Variants in TBC1D22A observed in about 807,000 individuals in gnomAD.
TBC1D22A encodes the protein putative GTPase activator.
TBC1D22A carries 38 observed loss-of-function variants against 60.2 expected under a neutral mutation model. The ratio of observed to expected loss-of-function variants is 0.63; its 90% CI spans 0.49 to 0.83. The LOEUF (loss-of-function observed/expected upper bound fraction) is 0.83. TBC1D22A is among the 40% of genes least tolerant of loss of function. The pLI is 0.00. For missense variants in TBC1D22A, 628 were observed against 701.0 expected, an observed-to-expected ratio of 0.90 and a Z score of 1.18; for synonymous variants, 302 against 281.7, an observed-to-expected ratio of 1.07 and a Z score of -0.72.
chr22:46,903,744 C>CG (rs975852228), intron 7 of TBC1D22A, among the ~76,000 whole-genome samples: 2 of 152,116 alleles, frequency 1.3e-5, no homozygotes, highest in Non-Finnish European at 2.9e-5. Flanking sequence ...CCCCAGTGGA[C>CG]GGGGGTGGAA....
At chr22:47,138,007 G>A (rs148509682) in intron 12 of TBC1D22A, among the ~76,000 whole-genome samples, 105 of 152,256 alleles carry the variant, frequency 6.9e-4, no homozygotes, top group African/African-American at 2.3e-3. Context: ...TGCAAATGCC[G>A]GAGAAACACA....
chr22:47,148,242 C>T lies in TBC1D22A; in HGVS notation c.1426-25256C>T, dbSNP rs149899226. Among the ~76,000 whole-genome samples the T allele has an allele frequency of 1.8e-4, 27 of 151,770 alleles. No individual in the cohort carries two copies. The East Asian group carries it at 3.7e-3, about 21-fold the overall frequency. On this transcript the variant is annotated intron_variant, in intron 12 of 12. Coordinates refer to ENST00000337137, the MANE Select transcript of TBC1D22A (RefSeq NM_014346.5). Reference sequence around the variant, plus strand: ...AGGTGTGCTCCTGCCATAGTGACAACGTCTGGGGAAAACCTGTCACAGAGA... The same window carrying T: ...AGGTGTGCTCCTGCCATAGTGACAATGTCTGGGGAAAACCTGTCACAGAGA...
At chr22:47,061,034 A>G (rs1304511904) in intron 11 of TBC1D22A, among the ~76,000 whole-genome samples, 1 of 152,070 alleles carries the variant, frequency 6.6e-6, no homozygotes, top group African/African-American at 2.4e-5. Flanking sequence ...CCTCCTGGAA[A>G]GGTTGAGCCA....
intron 8 of TBC1D22A, among the ~76,000 whole-genome samples, chr22:46,937,459 A>G (rs1249073000): frequency 1.3e-5 from 2 of 152,224 alleles, no homozygotes; most frequent in East Asian, 1.9e-4. Flanking sequence ...GTGTCAACAA[A>G]CCTACTGCAC....
chr22:47,070,157 C>G lies in TBC1D22A; in HGVS notation c.1329+32959C>G, dbSNP rs1161453463. 2.1e-5 allele frequency among the ~76,000 whole-genome samples: 3 copies of G among 145,048 alleles called. No homozygotes were observed. The East Asian group carries it at 6.0e-4, about 29-fold the overall frequency. ...TCCCTGTTGTTTGGTTGGAGCAGGG[C>G]TGACCTGACGGTCCTGGCTGTTCCC... On this transcript the variant is annotated intron_variant, in intron 11 of 12. Transcript: ENST00000337137.
Position 46,878,700 on chromosome 22 carries a change from C to T in TBC1D22A, c.685C>T (p.Pro229Ser). 2 of 1,613,186 alleles carry T rather than the reference C, an allele frequency of 1.2e-6. No homozygotes were observed. Among genetic ancestry groups the T allele is most frequent in the African/African-American group, 1.3e-5 (1 of 75,032 alleles). Residue 229 changes from proline to serine, a missense_variant, in exon 5 of 13, where the codon CCA (proline) becomes TCA (serine). Transcript: ENST00000337137. ...GTCCGGAATCCCTAAGCCAGTGCGT[C>T]CAATGACGTGGAAGCTCCTCTCAGT... Reference protein sequence around the residue: ...SWSGIPKPVRPMTWKLLSGYL... With the variant: ...SWSGIPKPVRSMTWKLLSGYL...
chr22:46,951,661 G>A (rs963851247), intron 8 of TBC1D22A, among the ~76,000 whole-genome samples: 5 of 152,238 alleles, frequency 3.3e-5, no homozygotes, highest in Non-Finnish European at 7.3e-5. Context: ...CAGTTACAGC[G>A]AGGTGTAAAG....
chr22:46,912,477 C>T (rs746534511), intron 8 of TBC1D22A, among the ~76,000 whole-genome samples: 1 of 152,128 alleles, frequency 6.6e-6, no homozygotes, highest in Middle Eastern at 3.2e-3. Context: ...TAAAGGCCAT[C>T]ACAGTAATGG....
intron 4 of TBC1D22A, among the ~76,000 whole-genome samples, chr22:46,798,015 G>T (rs1253235896): frequency 6.6e-6 from 1 of 152,076 alleles, no homozygotes; most frequent in Non-Finnish European, 1.5e-5. Flanking sequence ...GGGACTACAG[G>T]ATTGTGCCAC....
At chr22:46,827,867 G>A (rs1305829647) in intron 4 of TBC1D22A, among the ~76,000 whole-genome samples, 1 of 152,202 alleles carries the variant, frequency 6.6e-6, no homozygotes, top group Non-Finnish European at 1.5e-5. Context: ...GGGACTGTCT[G>A]TCTCAACCAC....
intron 9 of TBC1D22A, among the ~76,000 whole-genome samples, chr22:46,976,821 T>C (rs1389888130): frequency 6.6e-6 from 1 of 152,182 alleles, no homozygotes; most frequent in African/African-American, 2.4e-5. Flanking sequence ...GTTCATCGGC[T>C]CTGTGGCAGC....
chr22:46,907,902 T>C (rs1170952414), intron 7 of TBC1D22A, among the ~76,000 whole-genome samples: 3 of 151,918 alleles, frequency 2.0e-5, no homozygotes, highest in Admixed American at 2.0e-4. Flanking sequence ...CGTGGGAAGT[T>C]TGGGAGACGG....
intron 4 of TBC1D22A, among the ~76,000 whole-genome samples, chr22:46,849,800 G>A (rs2087187289): frequency 6.6e-6 from 1 of 152,194 alleles, no homozygotes; most frequent in Non-Finnish European, 1.5e-5. Context: ...ACTGTCGCCT[G>A]GTCCCGTAGT....
intron 9 of TBC1D22A, among the ~76,000 whole-genome samples, chr22:46,988,926 A>G (rs558435862): frequency 2.7e-4 from 41 of 152,362 alleles, no homozygotes; most frequent in African/African-American, 8.9e-4. Flanking sequence ...AGGCTGTTTC[A>G]TCTACATGGA....
At chr22:46,937,278 T>TG (rs2071710149) in intron 8 of TBC1D22A, among the ~76,000 whole-genome samples, 1 of 152,216 alleles carries the variant, frequency 6.6e-6, no homozygotes, top group Non-Finnish European at 1.5e-5. Context: ...ACCGCATCTG[T>TG]GGGGAATCCA....
At position 46,830,532 on chromosome 22, in the gene TBC1D22A, A is replaced by G. The variant is rs561721388; in HGVS notation, c.637+32912A>G. ...TGGGACCGCTCCCATGGCACAGAGC[A>G]GAAGCAAAGGGCTGGTGGAAGGTCC... On this transcript the variant is annotated intron_variant, in intron 4 of 12. Transcript: ENST00000337137. Among the ~76,000 whole-genome samples, 110 of 152,354 alleles carry G rather than the reference A, an allele frequency of 7.2e-4. 1 individual carries two copies. The highest frequency in any genetic ancestry group is 2.5e-3 in the African/African-American group (106 of 41,590).
chr22:47,059,211 A>T (rs966693760), intron 11 of TBC1D22A, among the ~76,000 whole-genome samples: 1 of 152,234 alleles, frequency 6.6e-6, no homozygotes, highest in East Asian at 1.9e-4. Flanking sequence ...GGGCGCCTCC[A>T]CTGTCTGGCA....
rs530535598 is a variant in TBC1D22A, at chr22:47,050,329, A to G, written c.1329+13131A>G. Among the ~76,000 whole-genome samples, 10 of 152,324 alleles carry G rather than the reference A, an allele frequency of 6.6e-5. No homozygotes were observed. The South Asian group carries it at 1.5e-3, about 22-fold the overall frequency. On this transcript the variant is annotated intron_variant, in intron 11 of 12. Transcript: ENST00000337137. ...CGAGAGGGGGCATTTCTTTACCGTC[A>G]CCATCACTGGGCATTTTCATTAACC...
intron 8 of TBC1D22A, among the ~76,000 whole-genome samples, chr22:46,970,211 C>T (rs536507814): frequency 1.9e-4 from 29 of 152,090 alleles, no homozygotes; most frequent in Admixed American, 3.9e-4. Flanking sequence ...GCCTGAGAGC[C>T]GCCCCCTGCC....
Sources: allele counts gnomAD v4.1 joint callset (sites outside exome capture counted in the v4.1 genomes callset), GRCh38; gene constraint gnomAD v4.1.1; transcripts MANE v1.5; gene names NCBI Gene and HGNC (gene_info 2026-07-23, HGNC 2026-07-21).